Variants in AUTS2 observed in about 807,000 individuals in gnomAD.
The protein encoded by AUTS2 is autism susceptibility gene 2 protein.
In AUTS2, 17 loss-of-function variants were observed where a neutral mutation model predicts 112.4. The observed-to-expected ratio is 0.15, with a 90% CI of 0.10 to 0.23. The LOEUF is 0.23. AUTS2 is among the 10% of genes least tolerant of loss of function. The pLI is 1.00. For missense variants in AUTS2, 1,510 were observed against 1,701.6 expected (o/e 0.89, Z 1.98); for synonymous variants, 751 against 702.7 (o/e 1.07, Z -1.09).
chr7:70,037,674 G>A (rs1801068809), intron 2 of AUTS2, among the ~76,000 whole-genome samples: 1 of 151,968 alleles, frequency 6.6e-6, no homozygotes, highest in African/African-American at 2.4e-5. Context: ...AGAACATCTG[G>A]AGGCATTTTT....
intron 1 of AUTS2, among the ~76,000 whole-genome samples, chr7:69,605,197 G>T (rs896164470): frequency 6.6e-6 from 1 of 152,206 alleles, no homozygotes; most frequent in African/African-American, 2.4e-5. Context: ...GGAATCTGGT[G>T]ATCTCTGAGT....
chr7:70,554,507 C>T (rs1356639149), intron 5 of AUTS2, among the ~76,000 whole-genome samples: 1 of 151,076 alleles, frequency 6.6e-6, no homozygotes, highest in African/African-American at 2.4e-5. Flanking sequence ...TATTAATAAC[C>T]CCCAACCCAC....
rs74634334 is a variant in AUTS2, at chr7:69,729,280, A to G, written c.309+129318A>G. ...AGAGGAGAGTTGCTTTTCTTTCTCA[A>G]CTTATGATTGTATTTAACACATACT... On this transcript the variant is annotated intron_variant, in intron 1 of 18. Coordinates refer to ENST00000342771, the MANE Select transcript of AUTS2 (RefSeq NM_015570.4). Among the ~76,000 whole-genome samples, 259 of 152,172 alleles carry G rather than the reference A, an allele frequency of 1.7e-3. 6 individuals are homozygous for G. The East Asian group carries it at 0.045, about 26-fold the overall frequency.
chr7:69,918,645 A>T (rs1245718144), intron 2 of AUTS2, among the ~76,000 whole-genome samples: 1 of 152,234 alleles, frequency 6.6e-6, no homozygotes, highest in African/African-American at 2.4e-5. Context: ...TTTTTTAAAA[A>T]GCTGGCTTAA....
At chr7:69,910,556 G>A (rs1253274738) in intron 2 of AUTS2, among the ~76,000 whole-genome samples, 2 of 152,220 alleles carry the variant, frequency 1.3e-5, no homozygotes, top group African/African-American at 4.8e-5. Flanking sequence ...TGAGTAGCAG[G>A]TCACATCTTA....
chr7:70,641,993 A>G (rs1034382216), intron 5 of AUTS2, among the ~76,000 whole-genome samples: 2 of 152,210 alleles, frequency 1.3e-5, no homozygotes, highest in Non-Finnish European at 2.9e-5. Context: ...ACAATCAAGC[A>G]CACACTGTCA....
chr7:70,511,160 A>AGTGTTCCCACTTTCAC (rs1799167951), intron 5 of AUTS2, among the ~76,000 whole-genome samples: 1 of 152,056 alleles, frequency 6.6e-6, no homozygotes, highest in Admixed American at 6.6e-5. Flanking sequence ...TTAATTTTTA[A>AGTGTTCCCACTTTCAC]TTAGCATAGC....
chr7:70,130,062 G>A (rs1010571107), intron 3 of AUTS2, among the ~76,000 whole-genome samples: 1 of 152,102 alleles, frequency 6.6e-6, no homozygotes, highest in Non-Finnish European at 1.5e-5. Flanking sequence ...ACTTGTTCAT[G>A]TGATTCCTGG....
chr7:70,299,963 G>T (rs904744371), intron 4 of AUTS2, among the ~76,000 whole-genome samples: 1 of 152,068 alleles, frequency 6.6e-6, no homozygotes, highest in Admixed American at 6.6e-5. Flanking sequence ...AAATCACTTG[G>T]ATCCAAAGAA....
intron 2 of AUTS2, among the ~76,000 whole-genome samples, chr7:70,113,012 T>G (rs1201891407): frequency 6.6e-6 from 1 of 152,130 alleles, no homozygotes; most frequent in Non-Finnish European, 1.5e-5. Flanking sequence ...TACTAATGGT[T>G]AGCTTCAAGA....
chr7:70,419,172 T>C (rs1054279055), intron 4 of AUTS2, among the ~76,000 whole-genome samples: 2 of 152,168 alleles, frequency 1.3e-5, no homozygotes, highest in Admixed American at 6.5e-5. Context: ...ATGACTGTGA[T>C]CACTTTTCCA....
intron 4 of AUTS2, among the ~76,000 whole-genome samples, chr7:70,420,176 G>A (rs1008002363): frequency 2.0e-5 from 3 of 152,160 alleles, no homozygotes; most frequent in Admixed American, 6.5e-5. Flanking sequence ...GGATTTTTTA[G>A]TGGGACTCTT....
intron 1 of AUTS2, among the ~76,000 whole-genome samples, chr7:69,801,904 T>A (rs1485021684): frequency 6.6e-6 from 1 of 152,040 alleles, no homozygotes; most frequent in Non-Finnish European, 1.5e-5. Flanking sequence ...TGTGTGCTGT[T>A]GTGGTGGTGG....
intron 5 of AUTS2, among the ~76,000 whole-genome samples, chr7:70,511,160 A>AGTG (rs1799167951): frequency 3.3e-5 from 5 of 152,170 alleles, no homozygotes; most frequent in Admixed American, 6.5e-5. Context: ...TTAATTTTTA[A>AGTG]TTAGCATAGC....
At chr7:70,769,768 C>CTGAT (rs1435230546) in intron 10 of AUTS2, among the ~76,000 whole-genome samples, 1 of 152,176 alleles carries the variant, frequency 6.6e-6, no homozygotes, top group East Asian at 1.9e-4. Flanking sequence ...GCGGTGCCTT[C>CTGAT]TGATACGCAT....
chr7:70,721,887 G>T (rs1786702057), intron 6 of AUTS2, among the ~76,000 whole-genome samples: 1 of 152,050 alleles, frequency 6.6e-6, no homozygotes, highest in South Asian at 2.1e-4. Context: ...TGATGCTTCA[G>T]TATTCATCTG....
intron 6 of AUTS2, among the ~76,000 whole-genome samples, chr7:70,716,225 A>G (rs1020172304): frequency 5.3e-5 from 8 of 152,194 alleles, no homozygotes; most frequent in African/African-American, 1.9e-4. Context: ...CTGTGAGAAC[A>G]CTGGTGACTG....
Position 69,625,222 on chromosome 7 carries a change from C to G in AUTS2, c.309+25260C>G, listed in dbSNP as rs140650023. Among the ~76,000 whole-genome samples the G allele has an allele frequency of 2.1e-3, 323 of 152,360 alleles. 6 individuals carry two copies. The East Asian group carries it at 0.044, about 21-fold the overall frequency. ...AGGTCTTTCAAATTAGCTTGCCTCT[C>G]TTTTATAGGAAAAGGGTGCTTCTGG... On this transcript the variant is annotated intron_variant, in intron 1 of 18. Coordinates refer to ENST00000342771, the MANE Select transcript of AUTS2 (RefSeq NM_015570.4).
chr7:70,598,391 A>G lies in AUTS2; in HGVS notation c.691-100178A>G, dbSNP rs562242129. ...ACATTCACTCCTTTTATTTCCCATG[A>G]AATTGTACAACAGGCAGAAGCTTGA... On this transcript the variant is annotated intron_variant, in intron 5 of 18. Transcript: ENST00000342771. 2.0e-5 allele frequency among the ~76,000 whole-genome samples: 3 copies of G among 152,348 alleles called. No individual in the cohort carries two copies. The East Asian group carries it at 5.8e-4, about 29-fold the overall frequency.
Sources: gnomAD v4.1 joint callset for allele counts (sites outside exome capture counted in the v4.1 genomes callset) on GRCh38, gnomAD v4.1.1 for gene constraint, MANE v1.5 for transcripts, NCBI Gene and HGNC (gene_info 2026-07-23, HGNC 2026-07-21) for gene names.